The following TM2D3 variants were observed in gnomAD, a reference collection of about 807,000 sequenced individuals.
The protein encoded by TM2D3 is TM2 domain-containing protein 3.
In TM2D3, 33 loss-of-function variants were observed where a neutral mutation model predicts 27.3. The observed-to-expected ratio is 1.21, with a 90% CI of 0.92 to 1.61. The LOEUF (loss-of-function observed/expected upper bound fraction) is 1.61, where lower values mean the gene tolerates loss of function less well. Ranked by LOEUF, TM2D3 falls within the 40% of genes most tolerant of loss-of-function variation. The pLI, the probability that TM2D3 is intolerant of heterozygous loss-of-function variation, is 0.00. For synonymous variants in TM2D3, 138 were observed against 122.2 expected (o/e 1.13, Z -0.85); for missense variants, 364 against 320.8 (o/e 1.13, Z -1.03).
intron 2 of TM2D3, chr15:101,650,949 C>T (rs939858924): frequency 1.3e-5 from 2 of 152,336 alleles, no homozygotes; most frequent in African/African-American, 2.4e-5. Flanking sequence ...CTGTTTTTTA[C>T]ATCCAAATAA....
chr15:101,635,562 T>C (rs1334747780), intron 4 of TM2D3: 3 of 152,162 alleles, frequency 2.0e-5, no homozygotes, highest in Admixed American at 2.0e-4. Context: ...GGCGAATCCG[T>C]GTTCAAAGTA....
At chr15:101,651,154 G>A (rs1050055105) in intron 2 of TM2D3, 1 of 153,070 alleles carries the variant, frequency 6.5e-6, no homozygotes, top group African/African-American at 2.4e-5. Flanking sequence ...GCTGGAAGGT[G>A]GACACTTAGA....
intron 5 of TM2D3, among the ~76,000 whole-genome samples, chr15:101,643,128 GA>G (rs1896710633): frequency 6.6e-6 from 1 of 151,990 alleles, no homozygotes; most frequent in Admixed American, 6.5e-5. Flanking sequence ...TAATAATACT[GA>G]AACTATATTA....
chr15:101,651,337 G>T (rs764265396), intron 2 of TM2D3: 61 of 248,720 alleles, frequency 2.5e-4, no homozygotes, highest in Middle Eastern at 1.6e-3. Context: ...CAGTCCTGAG[G>T]GAGCCTTTAA....
downstream of TM2D3, among the ~76,000 whole-genome samples, chr15:101,639,986 T>C (rs1052975664): frequency 3.3e-5 from 5 of 152,010 alleles, no homozygotes; most frequent in Non-Finnish European, 5.9e-5. Context: ...CAAAGCAAGG[T>C]AGAGATTCTT....
At chr15:101,651,619 A>T in intron 2 of TM2D3, 77 bp downstream of exon 2, 2 of 1,406,816 alleles carry the variant, frequency 1.4e-6, no homozygotes, top group Non-Finnish European at 2.0e-6. Flanking sequence ...CGTATACTAA[A>T]GGGAATTTTT....
intron 4 of TM2D3, chr15:101,635,187 A>G (rs568256021): frequency 2.6e-4 from 39 of 152,308 alleles, no homozygotes; most frequent in African/African-American, 8.9e-4. Context: ...TCTTTTGACC[A>G]AAAGGAATTC....
intron 4 of TM2D3, chr15:101,645,474 A>G: frequency 3.2e-6 from 1 of 315,964 alleles, no homozygotes; most frequent in East Asian, 8.0e-5. Flanking sequence ...AAGAAGAGAA[A>G]GTCAAGAACC....
At chr15:101,649,694 A>G (rs1276975533) in intron 3 of TM2D3, among the ~76,000 whole-genome samples, 1 of 152,246 alleles carries the variant, frequency 6.6e-6, no homozygotes, top group Non-Finnish European at 1.5e-5. Context: ...ATCTGAACGA[A>G]TTAGACTTGC....
At chr15:101,648,553 G>A (rs887324788) in intron 3 of TM2D3, among the ~76,000 whole-genome samples, 2 of 152,182 alleles carry the variant, frequency 1.3e-5, no homozygotes, top group African/African-American at 4.8e-5. Context: ...GGCCTCGTCT[G>A]GCCCAGCCGC....
chr15:101,643,187 C>T (rs1896712303), intron 5 of TM2D3, among the ~76,000 whole-genome samples: 1 of 152,040 alleles, frequency 6.6e-6, no homozygotes, highest in South Asian at 2.1e-4. Flanking sequence ...AGAACAGTAC[C>T]CATGACTCAG....
At chr15:101,646,403 A>G in intron 4 of TM2D3, 1 of 321,556 alleles carries the variant, frequency 3.1e-6, no homozygotes, top group Non-Finnish European at 5.8e-6. Flanking sequence ...AGGTGAAGGC[A>G]AGCACTCAGG....
Position 101,651,692 on chromosome 15 carries a change from G to A in TM2D3, c.169+4C>T, listed in dbSNP as rs769981258. 2.5e-6 allele frequency: 4 copies of A among 1,613,998 alleles called. No homozygotes were observed. The East Asian group carries it at 8.9e-5, about 36-fold the overall frequency. On this transcript the variant is annotated splice_donor_region_variant and intron_variant, in intron 2 of 5. Coordinates refer to ENST00000333202, the MANE Select transcript of TM2D3 (RefSeq NM_078474.3). ...TATTTACTAGAATAGAAAACGTCTA[G>A]TACCTGCTGCCCTGGGAACTACTGT... is the stretch of plus-strand genomic sequence containing the variant.
Position 101,642,700 on chromosome 15 carries a change from A to G in TM2D3, c.579-56T>C, listed in dbSNP as rs1896699816. ...GACCACCTCCACCCCAGCTGTGGCCAGTCACGGTTTAATCACCACATTATG... is the reference window on the plus strand; with the variant it reads ...GACCACCTCCACCCCAGCTGTGGCCGGTCACGGTTTAATCACCACATTATG... On this transcript the variant is annotated intron_variant, in intron 5 of 5. Coordinates refer to ENST00000333202, the MANE Select transcript of TM2D3 (RefSeq NM_078474.3). 3 of 1,472,190 alleles carry G rather than the reference A, an allele frequency of 2.0e-6. No homozygotes were observed. The South Asian group carries it at 4.0e-5, about 19-fold the overall frequency. The allele number at this position is 1,472,190 out of a possible 1,614,324, so 91.2% of individuals were successfully genotyped here.
downstream of TM2D3, among the ~76,000 whole-genome samples, chr15:101,637,725 G>A (rs886973997): frequency 6.6e-6 from 1 of 152,120 alleles, no homozygotes; most frequent in African/African-American, 2.4e-5. Flanking sequence ...GACCACAGGC[G>A]CACACCTGCT....
intron 4 of TM2D3, 34 bp downstream of exon 4, chr15:101,646,691 T>C: frequency 6.2e-7 from 1 of 1,613,540 alleles, no homozygotes; most frequent in Non-Finnish European, 8.5e-7. Context: ...GAGAAAAACA[T>C]TTTGTTGACA....
chr15:101,637,947 CCT>C (rs1259211464), downstream of TM2D3, among the ~76,000 whole-genome samples: 2 of 152,112 alleles, frequency 1.3e-5, no homozygotes, highest in African/African-American at 2.4e-5. Flanking sequence ...CATTCCGTGC[CCT>C]GATAGCTAGG....
intron 4 of TM2D3, chr15:101,635,168 T>A (rs1446290672): frequency 6.6e-6 from 1 of 152,158 alleles, no homozygotes. Flanking sequence ...TCAATAATAA[T>A]AATATAAATC....
downstream of TM2D3, among the ~76,000 whole-genome samples, chr15:101,639,256 A>G (rs1896616119): frequency 6.6e-6 from 1 of 152,226 alleles, no homozygotes; most frequent in Non-Finnish European, 1.5e-5. Context: ...TATATACAAT[A>G]AAAGTTTAAA....
Sources: allele counts gnomAD v4.1 joint callset (sites outside exome capture counted in the v4.1 genomes callset), GRCh38; gene constraint gnomAD v4.1.1; transcripts MANE v1.5; gene names NCBI Gene and HGNC (gene_info 2026-07-23, HGNC 2026-07-21).